CPXM2: variants seen among roughly 807,000 people sequenced by gnomAD.
CPXM2 encodes carboxypeptidase X, M14 family member 2.
A neutral mutation model predicts 86.1 loss-of-function variants in CPXM2; 66 were observed. The observed-to-expected ratio is 0.77, with a 90% CI of 0.63 to 0.94. The LOEUF (loss-of-function observed/expected upper bound fraction) is 0.94, where lower values mean the gene tolerates loss of function less well. Ranked by LOEUF, CPXM2 falls within the 40% of genes least tolerant of loss-of-function variation. CPXM2 has a pLI of 0.00. For synonymous variants in CPXM2, 388 were observed against 400.2 expected (o/e 0.97, Z 0.36); for missense variants, 948 against 1,026.3 (o/e 0.92, Z 1.04).
At chr10:123,862,773 T>C (rs1848882498) in intron 2 of CPXM2, 50 bp from the exon 3 acceptor site, 2 of 1,500,142 alleles carry the variant, frequency 1.3e-6, no homozygotes, top group East Asian at 2.3e-5. Context: ...CTGAAAGGGA[T>C]GAGTTTCTTA....
At chr10:123,884,690 C>A (rs1396044288) in intron 1 of CPXM2, among the ~76,000 whole-genome samples, 2 of 152,214 alleles carry the variant, frequency 1.3e-5, no homozygotes, top group South Asian at 2.1e-4. Flanking sequence ...ATCAATCAAA[C>A]AATCCATCAA....
intron 2 of CPXM2, among the ~76,000 whole-genome samples, chr10:123,869,605 C>T (rs774657859): frequency 5.4e-4 from 82 of 152,322 alleles, no homozygotes; most frequent in Non-Finnish European, 9.0e-4. Context: ...CTGAGCAGGG[C>T]GCCATCTCCC....
chr10:123,897,734 G>A (rs1945348986), intron 2 of CPXM2, among the ~76,000 whole-genome samples: 1 of 152,236 alleles, frequency 6.6e-6, no homozygotes. Context: ...AAGACAAGAA[G>A]CAAAATCATC....
intron 2 of CPXM2, among the ~76,000 whole-genome samples, chr10:123,864,275 T>TGAGAGAGAGACCCCACCCACC (rs1848929910): frequency 6.6e-6 from 1 of 150,680 alleles, no homozygotes; most frequent in Non-Finnish European, 1.5e-5. Flanking sequence ...CCCCACCCAC[T>TGAGAGAGAGACCCCACCCACC]GACTGTGACA....
At chr10:123,935,229 C>A (rs1358547900) in intron 2 of CPXM2, among the ~76,000 whole-genome samples, 1 of 152,174 alleles carries the variant, frequency 6.6e-6, no homozygotes, top group Non-Finnish European at 1.5e-5. Context: ...CCACAACTCA[C>A]AAAAAGGGTG....
rs78823901 is a variant in CPXM2, at chr10:123,807,853, T to C, written c.654-8654A>G. On this transcript the variant is annotated intron_variant, in intron 4 of 13. Transcript: ENST00000241305. ...AAGTTTAAAAACCATGGCACTGTTG[T>C]GGCTTTTTTCCACTTTCCTCAAATA... Among the ~76,000 whole-genome samples the C allele has an allele frequency of 9.2e-3, 1,398 of 152,316 alleles. 14 individuals carry two copies. Among genetic ancestry groups the C allele is most frequent in the African/African-American group, 0.031 (1,308 of 41,568 alleles).
intron 2 of CPXM2, among the ~76,000 whole-genome samples, chr10:123,923,906 C>T (rs758045148): frequency 1.3e-5 from 2 of 152,184 alleles, no homozygotes; most frequent in African/African-American, 4.8e-5. Context: ...TCCCCAGCCA[C>T]GTGGAACTGT....
intron 2 of CPXM2, among the ~76,000 whole-genome samples, chr10:123,900,272 G>C (rs970328657): frequency 3.3e-5 from 5 of 152,088 alleles, no homozygotes; most frequent in Non-Finnish European, 7.4e-5. Context: ...AATCTTCTGG[G>C]CTCAAGTGAT....
At chr10:123,937,356 G>A (rs529846701) in intron 2 of CPXM2, among the ~76,000 whole-genome samples, 30 of 151,662 alleles carry the variant, frequency 2.0e-4, no homozygotes, top group African/African-American at 7.0e-4. Context: ...TTCCCTCAGC[G>A]ATGCTGAAAA....
chr10:123,788,356 A>G (rs1847120370), intron 6 of CPXM2, among the ~76,000 whole-genome samples: 1 of 151,986 alleles, frequency 6.6e-6, no homozygotes, highest in South Asian at 2.1e-4. Flanking sequence ...GCCTCTCCCT[A>G]CAGGGCAAGT....
At chr10:123,943,690 C>T (rs1226839597), upstream of CPXM2, among the ~76,000 whole-genome samples, 2 of 152,170 alleles carry the variant, frequency 1.3e-5, no homozygotes, top group African/African-American at 2.4e-5. Flanking sequence ...CTGGCTGGAG[C>T]CTGTTGCTGA....
intron 3 of CPXM2, among the ~76,000 whole-genome samples, chr10:123,853,950 T>C (rs915925483): frequency 1.3e-5 from 2 of 151,878 alleles, no homozygotes; most frequent in Non-Finnish European, 2.9e-5. Context: ...ATTCTTTCTT[T>C]CCCTCCTCCT....
At chr10:123,811,914 T>C (rs1015678771) in intron 4 of CPXM2, among the ~76,000 whole-genome samples, 4 of 152,178 alleles carry the variant, frequency 2.6e-5, no homozygotes, top group Non-Finnish European at 4.4e-5. Context: ...CCTTTTACAT[T>C]GAAAAGTAAG....
upstream of CPXM2, among the ~76,000 whole-genome samples, chr10:123,894,620 G>C (rs183789954): frequency 6.6e-6 from 1 of 152,258 alleles, no homozygotes; most frequent in Non-Finnish European, 1.5e-5. Context: ...CATTCTCTTG[G>C]TTTGCAAGCC....
chr10:123,826,083 G>GC (rs1848040261), intron 4 of CPXM2, among the ~76,000 whole-genome samples: 3 of 152,226 alleles, frequency 2.0e-5, no homozygotes, highest in Admixed American at 2.0e-4. Flanking sequence ...TACTATACTT[G>GC]TTTTATTTCA....
chr10:123,874,343 T>C (rs78419168), intron 2 of CPXM2, among the ~76,000 whole-genome samples: 6,093 of 151,830 alleles, frequency 0.04, 165 homozygotes, highest in East Asian at 0.11. Context: ...TCATGAGAAT[T>C]CCACCCTCGT....
At chr10:123,878,152 G>A (rs1344575930) in intron 2 of CPXM2, among the ~76,000 whole-genome samples, 2 of 151,998 alleles carry the variant, frequency 1.3e-5, no homozygotes, top group East Asian at 3.9e-4. Context: ...GCTTGTTCAG[G>A]TGCCTGACTC....
At position 123,889,882 on chromosome 10, in the gene CPXM2, C is replaced by T. The variant is rs200151515; in HGVS notation, c.304+1474G>A. 7.2e-5 allele frequency among the ~76,000 whole-genome samples: 11 copies of T among 152,152 alleles called. 1 individual carries two copies. In the East Asian group the frequency reaches 2.1e-3, roughly 29 times the overall value. ...CATACATGTCTCCTGCCTACACCACCCTACCATGCCCAGGACGGAGCTAAG... is the reference window on the plus strand; with the variant it reads ...CATACATGTCTCCTGCCTACACCACTCTACCATGCCCAGGACGGAGCTAAG... On this transcript the variant is annotated intron_variant, in intron 1 of 13. Coordinates refer to ENST00000241305, the MANE Select transcript of CPXM2 (RefSeq NM_198148.3).
chr10:123,758,896 C>T (rs763288195), intron 11 of CPXM2, among the ~76,000 whole-genome samples: 6 of 152,090 alleles, frequency 3.9e-5, no homozygotes, highest in Non-Finnish European at 7.4e-5. Flanking sequence ...CCCTCTCCTG[C>T]GATGCTCAGT....
Sources: gnomAD v4.1 joint callset for allele counts (sites outside exome capture counted in the v4.1 genomes callset) on GRCh38, gnomAD v4.1.1 for gene constraint, MANE v1.5 for transcripts, NCBI Gene and HGNC (gene_info 2026-07-23, HGNC 2026-07-21) for gene names.